The following ARHGAP32 variants were observed in gnomAD, a reference collection of about 807,000 sequenced individuals.
ARHGAP32 encodes the protein rho GTPase-activating protein 32.
Under a neutral mutation model 186.5 loss-of-function variants are expected in ARHGAP32, and 51 were observed. That is an observed-to-expected ratio of 0.27 (90% CI 0.22 to 0.35). ARHGAP32 has a LOEUF of 0.35. ARHGAP32 is among the 10% of genes least tolerant of loss of function. The probability of loss-of-function intolerance (pLI) is 1.00; values close to 1 mark genes in which losing one functional copy is unlikely to be tolerated. For missense variants in ARHGAP32, 2,186 were observed against 2,623.5 expected, an observed-to-expected ratio of 0.83 and a Z score of 3.64; for synonymous variants, 950 against 964.3, an observed-to-expected ratio of 0.99 and a Z score of 0.27.
chr11:129,169,367 C>G (rs1218715889), intron 1 of ARHGAP32, among the ~76,000 whole-genome samples: 2 of 152,014 alleles, frequency 1.3e-5, no homozygotes, highest in Non-Finnish European at 2.9e-5. Flanking sequence ...CATGGTGGCT[C>G]AAGGCTGTAA....
At chr11:129,125,253 TA>T (rs1942634063) in intron 2 of ARHGAP32, among the ~76,000 whole-genome samples, 1 of 151,972 alleles carries the variant, frequency 6.6e-6, no homozygotes, top group Admixed American at 6.6e-5. Context: ...AAAATGCTAA[TA>T]TAAAAAAAGA....
At position 129,068,022 on chromosome 11, in the gene ARHGAP32, G is replaced by A. The variant is rs369794594; in HGVS notation, c.532-1154C>T. On this transcript the variant is annotated intron_variant, in intron 6 of 22. Coordinates refer to ENST00000682385, the MANE Select transcript of ARHGAP32 (RefSeq NM_001378024.1). The stretch of plus-strand genomic sequence containing the variant: ...CACTTGACCTTGGCTGAAAGGCAGA[G>A]AAGCAATGTGACTGAGACTTTTGAA... 9.2e-5 allele frequency among the ~76,000 whole-genome samples: 14 copies of A among 152,190 alleles called. No individual in the cohort carries two copies. In the East Asian group the frequency reaches 2.5e-3, roughly 27 times the overall value.
chr11:128,989,561 T>G (rs1038915763), intron 12 of ARHGAP32, among the ~76,000 whole-genome samples: 2 of 106,428 alleles, frequency 1.9e-5, no homozygotes, highest in African/African-American at 7.6e-5. Context: ...CACACATACA[T>G]ATATCTTTTT....
intron 6 of ARHGAP32, among the ~76,000 whole-genome samples, chr11:129,082,946 A>T (rs1349918136): frequency 1.3e-5 from 2 of 152,176 alleles, no homozygotes; most frequent in Non-Finnish European, 1.5e-5. Context: ...CTAGGGGTAT[A>T]AACAGTTATC....
At chr11:129,278,107 AG>A (rs1945555634) in intron 1 of ARHGAP32, among the ~76,000 whole-genome samples, 1 of 152,220 alleles carries the variant, frequency 6.6e-6, no homozygotes, top group Non-Finnish European at 1.5e-5. Flanking sequence ...TGTTTACAAA[AG>A]CAACCAATGT....
In ARHGAP32 at chr11:128,967,925, T is replaced by A. The variant is rs997538302; in HGVS notation, c.*982A>T. 1.2e-5 allele frequency: 1 copy of A among 81,740 alleles called. No homozygotes were observed. Among genetic ancestry groups the A allele is most frequent in the South Asian group, 3.3e-4 (1 of 2,988 alleles). The allele number at this position is 81,740 out of a possible 1,614,324, so 5.1% of individuals were successfully genotyped here. A position where few individuals can be genotyped will look rare whatever the true frequency, so the allele number is the denominator to read the frequency against. Reference sequence around the variant, plus strand: ...TCTATCCAGTCAAACCATGCTGGGCTTTTTTTTTTTTTTTTTTTTTTAATG... The same window carrying A: ...TCTATCCAGTCAAACCATGCTGGGCATTTTTTTTTTTTTTTTTTTTTAATG... On this transcript the variant is annotated 3_prime_UTR_variant, in exon 23 of 23. Transcript: ENST00000682385.
At chr11:129,162,869 C>G (rs2135484481) in intron 2 of ARHGAP32, among the ~76,000 whole-genome samples, 1 of 152,202 alleles carries the variant, frequency 6.6e-6, no homozygotes, top group Non-Finnish European at 1.5e-5. Flanking sequence ...CCCAAATTAT[C>G]AAATATTAAA....
intron 1 of ARHGAP32, among the ~76,000 whole-genome samples, chr11:129,189,039 C>T (rs1329318286): frequency 1.3e-5 from 2 of 152,092 alleles, no homozygotes; most frequent in East Asian, 1.9e-4. Flanking sequence ...TTAAAAGTCA[C>T]ATTATTGTGT....
chr11:129,018,641 C>A (rs1460778731), intron 11 of ARHGAP32, among the ~76,000 whole-genome samples: 1 of 152,066 alleles, frequency 6.6e-6, no homozygotes, highest in Non-Finnish European at 1.5e-5. Context: ...CAGTCTATAG[C>A]CTTGATTATA....
chr11:129,020,121 C>T (rs1938532187), intron 11 of ARHGAP32, among the ~76,000 whole-genome samples: 1 of 151,740 alleles, frequency 6.6e-6, no homozygotes, highest in Admixed American at 6.6e-5. Flanking sequence ...AAGAAACATA[C>T]CTTTAGTTTA....
In ARHGAP32 at chr11:128,981,916, C is replaced by T; in HGVS notation, c.1547G>A (p.Arg516Lys). The stretch of plus-strand genomic sequence containing the variant: ...ATAGTCAGCTAGAAGAGACAAGTGT[C>T]TCATCAGGAACTCCAGTGTTCTGGA... ...PHYRTLEFLM[R>K]HLSLLADYCS... The change falls in exon 16 of 23, where the codon AGA (arginine) becomes AAA (lysine). Residue 516 changes from arginine to lysine, a missense_variant. Transcript: ENST00000682385. 6.2e-7 allele frequency: 1 copy of T among 1,609,642 alleles called. No individual in the cohort carries two copies. The highest frequency in any genetic ancestry group is 8.5e-7 in the Non-Finnish European group (1 of 1,177,504).
intron 1 of ARHGAP32, among the ~76,000 whole-genome samples, chr11:129,278,689 G>A (rs2135739613): frequency 6.6e-6 from 1 of 152,016 alleles, no homozygotes; most frequent in African/African-American, 2.4e-5. Context: ...GAGACCTCTG[G>A]CCCCGCGGGG....
Position 129,213,341 on chromosome 11 carries a change from C to T in ARHGAP32, c.-4-48914G>A, listed in dbSNP as rs543906213. ...GAGGTATTTTAACTGACACAAGGAA[C>T]ATAGCTTGCCACCTATAGTAGTTAC... On this transcript the variant is annotated intron_variant, in intron 1 of 6. Transcript: ENST00000525234. Among the ~76,000 whole-genome samples the T allele has an allele frequency of 5.2e-4, 79 of 152,278 alleles. 1 individual carries two copies. The highest frequency in any genetic ancestry group is 1.7e-3 in the African/African-American group (72 of 41,568).
At chr11:129,011,602 G>C (rs1336753924) in intron 11 of ARHGAP32, among the ~76,000 whole-genome samples, 1 of 152,044 alleles carries the variant, frequency 6.6e-6, no homozygotes, top group Non-Finnish European at 1.5e-5. Flanking sequence ...CCAGAATAGA[G>C]AGTTTACAAA....
At chr11:129,273,322 CAA>C (rs559930934) in intron 1 of ARHGAP32, among the ~76,000 whole-genome samples, 118 of 152,244 alleles carry the variant, frequency 7.8e-4, no homozygotes, top group African/African-American at 2.8e-3. Flanking sequence ...TTCACAGATA[CAA>C]AGAGATGTGG....
intron 1 of ARHGAP32, among the ~76,000 whole-genome samples, chr11:129,255,043 T>A (rs975649707): frequency 6.6e-6 from 1 of 152,084 alleles, no homozygotes; most frequent in Admixed American, 6.6e-5. Context: ...AAATAAATAT[T>A]AACTCCACCT....
chr11:129,125,869 T>C (rs1942647572), intron 2 of ARHGAP32: 1 of 443,768 alleles, frequency 2.3e-6, no homozygotes, highest in Admixed American at 2.5e-5. Context: ...TTAGATATAT[T>C]TTTACTCCTT....
intron 2 of ARHGAP32, among the ~76,000 whole-genome samples, chr11:129,142,754 A>G (rs1243161505): frequency 6.6e-6 from 1 of 151,924 alleles, no homozygotes; most frequent in Non-Finnish European, 1.5e-5. Flanking sequence ...GCATGGGGAA[A>G]GTATAATAAG....
At chr11:129,213,499 GTC>G in intron 1 of ARHGAP32, among the ~76,000 whole-genome samples, 1 of 152,140 alleles carries the variant, frequency 6.6e-6, no homozygotes, top group African/African-American at 2.4e-5. Context: ...AGTCCAAGAT[GTC>G]ATCACAGTAC....
Sources: gnomAD v4.1 joint callset for allele counts (sites outside exome capture counted in the v4.1 genomes callset) on GRCh38, gnomAD v4.1.1 for gene constraint, MANE v1.5 for transcripts, NCBI Gene and HGNC (gene_info 2026-07-23, HGNC 2026-07-21) for gene names.